Variants in ACAN observed in about 807,000 individuals in gnomAD.
ACAN encodes the protein aggrecan core protein.
In ACAN, 47 loss-of-function variants were observed where a neutral mutation model predicts 169.1. The observed-to-expected ratio is 0.28, with a 90% CI of 0.22 to 0.35. The LOEUF is 0.35. ACAN is among the 10% of genes least tolerant of loss of function. The probability of loss-of-function intolerance (pLI) is 1.00; values close to 1 mark genes in which losing one functional copy is unlikely to be tolerated. For synonymous variants in ACAN, 1,115 were observed against 1,112.2 expected (o/e 1.00, Z -0.05); for missense variants, 2,716 against 2,759.9 (o/e 0.98, Z 0.36).
chr15:88,816,057 G>C (rs1895935236), intron 1 of ACAN, among the ~76,000 whole-genome samples: 2 of 152,088 alleles, frequency 1.3e-5, no homozygotes, highest in South Asian at 4.2e-4. Context: ...TCCCATCTCT[G>C]CCTCGGCTGT....
In ACAN at chr15:88,860,320, T is replaced by C. The variant is rs1897168648; in HGVS notation, c.6833-6T>C. ...TGATGCTCAACCTCTCCCCTGGGGG[T>C]TGCAGCCCCCGCCAGGTCCTGTGCA... is the stretch of plus-strand genomic sequence containing the variant. On this transcript the variant is annotated splice_region_variant and splice_polypyrimidine_tract_variant and intron_variant, in intron 12 of 18. Coordinates refer to ENST00000560601, the MANE Select transcript of ACAN (RefSeq NM_001369268.1). 1 of 1,597,370 alleles carries C rather than the reference T, an allele frequency of 6.3e-7. No individual in the cohort carries two copies. The highest frequency in any genetic ancestry group is 8.5e-7 in the Non-Finnish European group (1 of 1,170,956).
rs150362784 is a variant in ACAN at position 88,852,005 on chromosome 15, T to C, written c.2238T>C (p.Tyr746=). 24 of 1,609,206 alleles carry C rather than the reference T, an allele frequency of 1.5e-5. No individual in the cohort carries two copies. The highest frequency in any genetic ancestry group is 1.9e-5 in the Non-Finnish European group (22 of 1,177,738). The change falls in exon 11 of 19, where the codon TAT becomes TAC. Residue 746 remains tyrosine (Y), a synonymous_variant. Coordinates refer to ENST00000560601, the MANE Select transcript of ACAN (RefSeq NM_001369268.1). Reference sequence around the variant, plus strand: ...ACCAGACAGAATGGGAACCAGCCTATACCCCAGTGGGCACATCCCCGCTGC... The same window carrying C: ...ACCAGACAGAATGGGAACCAGCCTACACCCCAGTGGGCACATCCCCGCTGC... The part of the protein sequence containing the change: ...PENQTEWEPA[Y]TPVGTSPLPG...
At position 88,807,593 on chromosome 15, in the gene ACAN, A is replaced by G. The variant is rs1419804039; in HGVS notation, c.-8+3784A>G. ...CGGCAGAACAAGGGGAGGGCTGGAG[A>G]AGGAGCGGGAGTGCAGGCGAGAGGA... is the stretch of plus-strand genomic sequence containing the variant. On this transcript the variant is annotated intron_variant, in intron 1 of 18. Coordinates refer to ENST00000560601, the MANE Select transcript of ACAN (RefSeq NM_001369268.1). The surrounding 1 kb of genome is among the most constrained non-coding windows in gnomAD (Gnocchi z 4.0). Among the ~76,000 whole-genome samples, 2 of 152,144 alleles carry G rather than the reference A, an allele frequency of 1.3e-5. No individual in the cohort carries two copies. The highest frequency in any genetic ancestry group is 2.9e-5 in the Non-Finnish European group (2 of 68,024).
At position 88,851,954 on chromosome 15, in the gene ACAN, C is replaced by T; in HGVS notation, c.2187C>T (p.Ile729=). 1 of 1,612,622 alleles carries T rather than the reference C, an allele frequency of 6.2e-7. No individual in the cohort carries two copies. Among genetic ancestry groups the T allele is most frequent in the Non-Finnish European group, 8.5e-7 (1 of 1,179,378 alleles). ...TAVPSGETTA[I]LEFTTEPENQ... is the part of the protein sequence containing the mutation. The stretch of plus-strand genomic sequence containing the variant: ...TACCCTCAGGGGAGACTACTGCCAT[C>T]CTAGAGTTCACCACCGAGCCAGAAA... The change falls in exon 11 of 19, where the codon ATC becomes ATT. Residue 729 remains isoleucine, a synonymous_variant. Coordinates refer to ENST00000560601, the MANE Select transcript of ACAN (RefSeq NM_001369268.1). The surrounding 1 kb of genome is among the most constrained non-coding windows in gnomAD (Gnocchi z 4.3).
rs571130169 is a variant in ACAN at position 88,857,428 on chromosome 15, G to C, written c.4843G>C (p.Gly1615Arg). 149 of 1,613,880 alleles carry C rather than the reference G, an allele frequency of 9.2e-5. No individual in the cohort carries two copies. The highest frequency in any genetic ancestry group is 2.8e-4 in the Admixed American group (17 of 60,034). Residue 1615 changes from glycine (G) to arginine (R), a missense_variant, in exon 12 of 19, where the codon GGA (glycine) becomes CGA (arginine). Around this residue, in one of 3 missense-constraint regions of ACAN, gnomAD observed 1,389 missense variants for 1,363.7 expected, o/e 1.02. Coordinates refer to ENST00000560601, the MANE Select transcript of ACAN (RefSeq NM_001369268.1). ...GGGCAAACTGCCTTCTGGAACTCTA[G>C]GAAGTGGGCAAGCTCCAGAAACAAG... ...DLGKLPSGTL[G>R]SGQAPETSGL...
In ACAN at chr15:88,810,359, A is replaced by G. The variant is rs1005178630; in HGVS notation, c.-8+6550A>G. ...GTTTCCAGGGCTAATTTTGGGGGGA[A>G]AAAAAAACCTCTAGAAGAGAAACGT... On this transcript the variant is annotated intron_variant, in intron 1 of 18. Coordinates refer to ENST00000560601, the MANE Select transcript of ACAN (RefSeq NM_001369268.1). 4.6e-5 allele frequency among the ~76,000 whole-genome samples: 7 copies of G among 150,716 alleles called. No homozygotes were observed. In the East Asian group the frequency reaches 9.7e-4, roughly 21 times the overall value.
rs1246733880 is a variant in ACAN at position 88,857,255 on chromosome 15, C to A, written c.4670C>A (p.Thr1557Asn). ...CCTTCTGGAGGAGAAGGTCTAGAGA[C>A]CTCTGCTTCTGAAGTAGGGACTGAC... ...GLPSGGEGLE[T>N]SASEVGTDLS... The change falls in exon 12 of 19, where the codon ACC (threonine) becomes AAC (asparagine). Residue 1557 changes from threonine to asparagine, a missense_variant. Coordinates refer to ENST00000560601, the MANE Select transcript of ACAN (RefSeq NM_001369268.1). 6.2e-7 allele frequency: 1 copy of A among 1,613,342 alleles called. No individual in the cohort carries two copies. The highest frequency in any genetic ancestry group is 1.3e-5 in the African/African-American group (1 of 74,760).
intron 1 of ACAN, among the ~76,000 whole-genome samples, chr15:88,817,895 G>T (rs868289159): frequency 3.0e-4 from 41 of 136,476 alleles, no homozygotes; most frequent in Admixed American, 5.0e-4. Context: ...GGAAAAAAAA[G>T]AAAAAATAAA....
rs1315193711 is a variant in ACAN, at chr15:88,871,390, G to T, written c.7069G>T (p.Val2357Leu). The T allele has an allele frequency of 6.2e-7, 1 of 1,613,898 alleles. No individual in the cohort carries two copies. Among genetic ancestry groups the T allele is most frequent in the Non-Finnish European group, 8.5e-7 (1 of 1,179,890 alleles). The change falls in exon 15 of 19, where the codon GTA (valine) becomes TTA (leucine). Residue 2357 changes from valine to leucine, a missense_variant. Val to Leu is a conservative substitution (Grantham distance 32, BLOSUM62 1). This residue lies in a region of ACAN where 1,389 missense variants were observed against 1,363.7 expected (regional missense o/e 1.02). Coordinates refer to ENST00000560601, the MANE Select transcript of ACAN (RefSeq NM_001369268.1). This position sits in a 1 kb window ranked among gnomAD's most constrained non-coding sequence, Gnocchi z 7.8. ...EGDLCEIDQE[V>L]CEEGWNKYQG... ...CCTGACCTGTGTTGCAGACCAGGAGGTATGTGAGGAGGGCTGGAACAAGTA... is the reference window on the plus strand; with the variant it reads ...CCTGACCTGTGTTGCAGACCAGGAGTTATGTGAGGAGGGCTGGAACAAGTA...
Position 88,869,431 on chromosome 15 carries a change from GA to G in ACAN, c.7060+1110del, listed in dbSNP as rs1048499273. On this transcript the variant is annotated intron_variant, in intron 14 of 18. Transcript: ENST00000560601. The surrounding 1 kb of genome is among the most constrained non-coding windows in gnomAD (Gnocchi z 4.2). ...TGGTAGAGGAACTTAAGACTTTTGGGAAAAAAAAGGCCTGGACACTCCTACT... is the reference window on the plus strand; with the variant it reads ...TGGTAGAGGAACTTAAGACTTTTGGGAAAAAAAGGCCTGGACACTCCTACT... Among the ~76,000 whole-genome samples, 1 of 151,462 alleles carries G rather than the reference GA, an allele frequency of 6.6e-6. No homozygotes were observed. Among genetic ancestry groups the G allele is most frequent in the East Asian group, 1.9e-4 (1 of 5,180 alleles).
chr15:88,854,134 C>T (rs1896995459), intron 11 of ACAN, among the ~76,000 whole-genome samples: 1 of 152,216 alleles, frequency 6.6e-6, no homozygotes, highest in South Asian at 2.1e-4. Flanking sequence ...TTGTCTGTAA[C>T]AGAGTTCTCA....
intron 5 of ACAN, among the ~76,000 whole-genome samples, chr15:88,842,480 C>G (rs1896685726): frequency 6.6e-6 from 1 of 150,816 alleles, no homozygotes; most frequent in African/African-American, 2.4e-5. Flanking sequence ...TTTCCAGACT[C>G]TGCAATGTCT....
Position 88,873,830 on chromosome 15 carries a change from T to C in ACAN, c.7448-12T>C, listed in dbSNP as rs576378818. On this transcript the variant is annotated splice_polypyrimidine_tract_variant and intron_variant, in intron 17 of 18. Transcript: ENST00000560601. The surrounding 1 kb of genome is among the most constrained non-coding windows in gnomAD (Gnocchi z 7.5). ...CCTATGAGACCCTTTATAAAGGGTG[T>C]TTGCCCCTCAGTGGCCTGCGGAGAG... The C allele has an allele frequency of 3.7e-6, 6 of 1,613,176 alleles. No individual in the cohort carries two copies. The African/African-American group carries it at 6.7e-5, about 18-fold the overall frequency.
At chr15:88,808,042 G>T (rs186985434) in intron 1 of ACAN, among the ~76,000 whole-genome samples, 1 of 151,704 alleles carries the variant, frequency 6.6e-6, no homozygotes, top group Non-Finnish European at 1.5e-5. Flanking sequence ...GTATGTGGGG[G>T]CGGGGGTGCC....
In ACAN at chr15:88,858,810, A is replaced by G; in HGVS notation, c.6225A>G (p.Thr2075=). The G allele has an allele frequency of 6.2e-7, 1 of 1,613,922 alleles. No homozygotes were observed. The highest frequency in any genetic ancestry group is 2.2e-5 in the East Asian group (1 of 44,878). Residue 2075 remains threonine (T), a synonymous_variant, in exon 12 of 19, where the codon ACA becomes ACG. Coordinates refer to ENST00000560601, the MANE Select transcript of ACAN (RefSeq NM_001369268.1). The surrounding 1 kb of genome is among the most constrained non-coding windows in gnomAD (Gnocchi z 4.0). The stretch of plus-strand genomic sequence containing the variant: ...TTGAGTCCAGTGGAAAAGTCTCCAC[A>G]GCTGGGGACATTAGTGGAGCTACCC... ...QLFESSGKVS[T]AGDISGATPV... is the part of the protein sequence containing the mutation.
In ACAN at chr15:88,807,135, A is replaced by G. The variant is rs1427335694; in HGVS notation, c.-8+3326A>G. ...CAGGTGCTGGGGCATCCTTGCTGCCACTGCACCAAGTGCTGGGGAGTCAAG... is the reference window on the plus strand; with the variant it reads ...CAGGTGCTGGGGCATCCTTGCTGCCGCTGCACCAAGTGCTGGGGAGTCAAG... On this transcript the variant is annotated intron_variant, in intron 1 of 18. Coordinates refer to ENST00000560601, the MANE Select transcript of ACAN (RefSeq NM_001369268.1). This position sits in a 1 kb window ranked among gnomAD's most constrained non-coding sequence, Gnocchi z 4.0. Among the ~76,000 whole-genome samples, 2 of 152,098 alleles carry G rather than the reference A, an allele frequency of 1.3e-5. No individual in the cohort carries two copies. The highest frequency in any genetic ancestry group is 3.9e-4 in the East Asian group (2 of 5,194).
chr15:88,853,616 C>T (rs565222498), intron 11 of ACAN, among the ~76,000 whole-genome samples: 3 of 151,818 alleles, frequency 2.0e-5, no homozygotes, highest in Admixed American at 2.0e-4. Context: ...GCAGCCTGGG[C>T]AACAGAGCAA....
At position 88,847,321 on chromosome 15, in the gene ACAN, C is replaced by G. The variant is rs779937883; in HGVS notation, c.1508C>G (p.Thr503Arg). The change falls in exon 8 of 19, where the codon ACG becomes AGG. Residue 503 changes from threonine to arginine, a missense_variant. Thr to Arg is a moderately conservative substitution (Grantham distance 71). Coordinates refer to ENST00000560601, the MANE Select transcript of ACAN (RefSeq NM_001369268.1). Reference protein sequence around the residue: ...FEEAQQACLRTGAVIASPEQL... With the variant: ...FEEAQQACLRRGAVIASPEQL... ...GAGGCACAGCAGGCCTGCCTGCGCA[C>G]GGGGGCGGTCATTGCCTCGCCGGAG... The G allele has an allele frequency of 1.3e-6, 2 of 1,578,490 alleles. No individual in the cohort carries two copies. Among genetic ancestry groups the G allele is most frequent in the Non-Finnish European group, 8.6e-7 (1 of 1,163,468 alleles).
intron 12 of ACAN, 28 bp from the exon 13 acceptor site, chr15:88,860,298 T>C: frequency 6.5e-7 from 1 of 1,537,264 alleles, no homozygotes; most frequent in Non-Finnish European, 8.9e-7. Flanking sequence ...GTGTTCTTGA[T>C]GCTCAACCTC....
Sources: gnomAD v4.1 joint callset for allele counts (sites outside exome capture counted in the v4.1 genomes callset) on GRCh38, gnomAD v4.1.1 for gene constraint, gnomAD v4.1.1 regional missense constraint, Gnocchi (gnomAD v3.1) non-coding constraint, MANE v1.5 for transcripts, NCBI Gene and HGNC (gene_info 2026-07-23, HGNC 2026-07-21) for gene names.